CDH13: variants seen among roughly 807,000 people sequenced by gnomAD.
The protein encoded by CDH13 is cadherin 13.
CDH13 carries 24 observed loss-of-function variants against 63.8 expected under a neutral mutation model. The observed-to-expected ratio is 0.38, with a 90% CI of 0.27 to 0.53. CDH13 has a LOEUF of 0.53. Ranked by LOEUF, CDH13 falls within the 20% of genes least tolerant of loss-of-function variation. The pLI, the probability that CDH13 is intolerant of heterozygous loss-of-function variation, is 0.85. For synonymous variants in CDH13, 503 were observed against 355.3 expected (o/e 1.42, Z -4.67); for missense variants, 1,049 against 903.1 (o/e 1.16, Z -2.07).
intron 7 of CDH13, among the ~76,000 whole-genome samples, chr16:83,551,260 T>C (rs1036695466): frequency 4.6e-5 from 7 of 152,092 alleles, no homozygotes; most frequent in African/African-American, 1.7e-4. Context: ...TTTTGTGTTT[T>C]TAGTAGAGAC....
intron 13 of CDH13, among the ~76,000 whole-genome samples, chr16:83,786,811 C>T (rs1657645193): frequency 6.6e-6 from 1 of 152,280 alleles, no homozygotes; most frequent in Admixed American, 6.5e-5. Flanking sequence ...TGGTCTCAAA[C>T]CCCTGACCTC....
chr16:83,024,398 G>A (rs1915612299), intron 2 of CDH13, among the ~76,000 whole-genome samples: 2 of 152,100 alleles, frequency 1.3e-5, no homozygotes, highest in Admixed American at 1.3e-4. Flanking sequence ...TAATCGATGT[G>A]GTATGAGAGG....
At chr16:83,599,749 T>A (rs185693335) in intron 7 of CDH13, among the ~76,000 whole-genome samples, 1 of 152,334 alleles carries the variant, frequency 6.6e-6, no homozygotes, top group Non-Finnish European at 1.5e-5. Context: ...ATATTTACCA[T>A]AATCTCTTCA....
At chr16:83,614,647 A>G (rs1330971353) in intron 8 of CDH13, among the ~76,000 whole-genome samples, 1 of 152,172 alleles carries the variant, frequency 6.6e-6, no homozygotes, top group Non-Finnish European at 1.5e-5. Flanking sequence ...TTAAATCCAT[A>G]TCCTGGTTGT....
At chr16:82,809,522 C>G (rs537360673) in intron 1 of CDH13, among the ~76,000 whole-genome samples, 3 of 152,088 alleles carry the variant, frequency 2.0e-5, no homozygotes, top group Non-Finnish European at 4.4e-5. Flanking sequence ...AGTGATGACG[C>G]TCAAATCTAT....
chr16:83,486,924 G>C (rs2073903061), intron 7 of CDH13, among the ~76,000 whole-genome samples: 2 of 152,188 alleles, frequency 1.3e-5, no homozygotes, highest in South Asian at 4.2e-4. Flanking sequence ...TTATTCTCTA[G>C]GCCCTGGTGA....
intron 6 of CDH13, among the ~76,000 whole-genome samples, chr16:83,450,747 G>C (rs780399755): frequency 6.6e-6 from 1 of 152,160 alleles, no homozygotes; most frequent in Non-Finnish European, 1.5e-5. Flanking sequence ...GAGGGCGCCT[G>C]TAGTCCCAGC....
chr16:82,892,972 C>T (rs1172041742), intron 2 of CDH13, among the ~76,000 whole-genome samples: 2 of 152,162 alleles, frequency 1.3e-5, no homozygotes, highest in African/African-American at 4.8e-5. Context: ...AAATTGTGAC[C>T]TGTGAACGGT....
chr16:83,608,491 G>A (rs1033462420), intron 8 of CDH13, among the ~76,000 whole-genome samples: 3 of 151,774 alleles, frequency 2.0e-5, no homozygotes, highest in African/African-American at 7.3e-5. Context: ...AGCATTTTTT[G>A]TTTTTTGAGA....
intron 7 of CDH13, among the ~76,000 whole-genome samples, chr16:83,498,751 G>T (rs537275472): frequency 6.6e-6 from 1 of 152,176 alleles, no homozygotes; most frequent in Non-Finnish European, 1.5e-5. Context: ...AGAATAAATA[G>T]ATTTTGAACT....
chr16:83,245,133 T>C (rs938370042), intron 5 of CDH13, among the ~76,000 whole-genome samples: 5 of 146,846 alleles, frequency 3.4e-5, no homozygotes, highest in African/African-American at 1.3e-4. Flanking sequence ...AAAAAAAAAG[T>C]TTCATATTCA....
intron 1 of CDH13, among the ~76,000 whole-genome samples, chr16:82,718,116 A>T (rs1356658629): frequency 1.3e-5 from 2 of 152,150 alleles, no homozygotes; most frequent in African/African-American, 4.8e-5. Flanking sequence ...TGAGACAGGG[A>T]AGAAAGGGCA....
intron 3 of CDH13, among the ~76,000 whole-genome samples, chr16:83,113,750 G>C (rs560906775): frequency 6.6e-6 from 1 of 152,270 alleles, no homozygotes; most frequent in African/African-American, 2.4e-5. Flanking sequence ...GGGAGGGACG[G>C]GAAGGGAAGT....
intron 4 of CDH13, among the ~76,000 whole-genome samples, chr16:83,151,092 C>T (rs554096627): frequency 5.9e-5 from 9 of 152,292 alleles, no homozygotes; most frequent in African/African-American, 2.2e-4. Context: ...TACCACTCAA[C>T]CTTACTACCT....
chr16:83,065,238 G>A (rs1394515058), intron 3 of CDH13, among the ~76,000 whole-genome samples: 3 of 152,118 alleles, frequency 2.0e-5, no homozygotes, highest in African/African-American at 4.8e-5. Context: ...TTTAATGGTC[G>A]GATATAGAAA....
chr16:82,977,343 G>T (rs1176154721), intron 2 of CDH13, among the ~76,000 whole-genome samples: 2 of 152,114 alleles, frequency 1.3e-5, no homozygotes, highest in East Asian at 3.9e-4. Flanking sequence ...TTTACCATCA[G>T]CATTAAGTCA....
intron 10 of CDH13, among the ~76,000 whole-genome samples, chr16:83,685,844 C>G (rs573702097): frequency 6.6e-6 from 1 of 152,288 alleles, no homozygotes; most frequent in South Asian, 2.1e-4. Flanking sequence ...GCACAGGCCT[C>G]TGCCTCTAGG....
intron 6 of CDH13, among the ~76,000 whole-genome samples, chr16:83,447,965 G>A (rs1724365004): frequency 2.0e-5 from 3 of 152,100 alleles, no homozygotes; most frequent in Admixed American, 2.0e-4. Flanking sequence ...CAGGGAAAAA[G>A]ATTGCTCTGG....
In CDH13 at chr16:82,830,570, A is replaced by G. The variant is rs527387086; in HGVS notation, c.46-27792A>G. Among the ~76,000 whole-genome samples the G allele has an allele frequency of 1.1e-3, 172 of 152,154 alleles. 1 individual carries two copies. The highest frequency in any genetic ancestry group is 3.2e-3 in the Middle Eastern group (1 of 316). ...AGGGGTGGGAGCGCTTAGAAGATGT[A>G]AGGATGTGCTCTCTTCTTTCCTCAC... On this transcript the variant is annotated intron_variant, in intron 1 of 13. Coordinates refer to ENST00000567109, the MANE Select transcript of CDH13 (RefSeq NM_001257.5).
Sources: allele counts gnomAD v4.1 joint callset (sites outside exome capture counted in the v4.1 genomes callset), GRCh38; gene constraint gnomAD v4.1.1; transcripts MANE v1.5; gene names NCBI Gene and HGNC (gene_info 2026-07-23, HGNC 2026-07-21).